The following C20orf203 variants were observed in gnomAD, a reference collection of about 807,000 sequenced individuals.
C20orf203 encodes the protein chromosome 20 open reading frame 203.
Under a neutral mutation model 15.9 loss-of-function variants are expected in C20orf203, and 16 were observed. The ratio of observed to expected loss-of-function variants is 1.01; its 90% CI spans 0.68 to 1.53. The LOEUF (loss-of-function observed/expected upper bound fraction) is 1.53, where lower values mean the gene tolerates loss of function less well. Among genes scored for constraint, C20orf203 ranks in the 40% most tolerant of loss-of-function variants. The pLI is 0.00. For missense variants in C20orf203, 263 were observed against 247.5 expected (o/e 1.06, Z -0.42); for synonymous variants, 98 against 97.2 (o/e 1.01, Z -0.05).
rs559959424 is a variant in C20orf203 at position 32,643,699 on chromosome 20, T to C, written c.*1178-3012A>G. 6.6e-5 allele frequency among the ~76,000 whole-genome samples: 10 copies of C among 150,640 alleles called. No individual in the cohort carries two copies. In the East Asian group the frequency reaches 1.4e-3, roughly 21 times the overall value. On this transcript the variant is annotated intron_variant, in intron 4 of 5. Coordinates refer to ENST00000608990, the MANE Select transcript of C20orf203 (RefSeq NM_182584.4). ...CGAAAGTTTCTGCGAAACCCTGCAG[T>C]GAAGAGCTCTGTGGATGTTTGCGTT...
intron 5 of C20orf203, among the ~76,000 whole-genome samples, chr20:32,636,939 C>A (rs559324049): frequency 4.1e-4 from 63 of 152,306 alleles, no homozygotes; most frequent in Non-Finnish European, 6.5e-4. Context: ...TGTTGACTCT[C>A]ACTGGGTGGG....
chr20:32,651,240 G>A, intron 2 of C20orf203, 74 bp from the exon 3 acceptor site: 1 of 454,012 alleles, frequency 2.2e-6, no homozygotes, highest in Non-Finnish European at 3.9e-6. Flanking sequence ...CTACTCATGG[G>A]GTAGCTACTC....
At chr20:32,670,554 C>T (rs955406709) in intron 1 of C20orf203, among the ~76,000 whole-genome samples, 1 of 151,680 alleles carries the variant, frequency 6.6e-6, no homozygotes, top group Non-Finnish European at 1.5e-5. Context: ...TAAAAATAGG[C>T]CACGCACAGT....
intron 1 of C20orf203, among the ~76,000 whole-genome samples, chr20:32,670,810 C>A (rs1054702163): frequency 6.6e-6 from 1 of 151,308 alleles, no homozygotes; most frequent in East Asian, 1.9e-4. Flanking sequence ...CCAGCCTGGG[C>A]GAGACTCCGT....
At chr20:32,665,825 T>A (rs1172942687) in intron 1 of C20orf203, among the ~76,000 whole-genome samples, 1 of 152,044 alleles carries the variant, frequency 6.6e-6, no homozygotes, top group Non-Finnish European at 1.5e-5. Context: ...TTTTTTTAAT[T>A]AGCCAGAGGC....
chr20:32,648,541 C>T (rs926550091), intron 4 of C20orf203, among the ~76,000 whole-genome samples: 5 of 144,742 alleles, frequency 3.5e-5, no homozygotes, highest in African/African-American at 1.3e-4. Flanking sequence ...CCCAGGTTCA[C>T]GCCATTCTTC....
At chr20:32,656,064 C>G (rs932551752) in intron 1 of C20orf203, among the ~76,000 whole-genome samples, 1 of 152,222 alleles carries the variant, frequency 6.6e-6, no homozygotes. Context: ...CCTTTGCCTT[C>G]TGCCATGATT....
chr20:32,646,654 C>A (rs751507363), intron 4 of C20orf203, among the ~76,000 whole-genome samples: 16 of 152,186 alleles, frequency 1.1e-4, no homozygotes. Flanking sequence ...AGGTCATCTC[C>A]GGGGAGGGAA....
At chr20:32,653,670 T>C (rs1481089380) in intron 1 of C20orf203, among the ~76,000 whole-genome samples, 1 of 152,224 alleles carries the variant, frequency 6.6e-6, no homozygotes, top group East Asian at 1.9e-4. Context: ...ATGTCCACTC[T>C]TACGGCAAAG....
At chr20:32,646,926 C>T (rs528390157) in intron 4 of C20orf203, among the ~76,000 whole-genome samples, 1 of 152,336 alleles carries the variant, frequency 6.6e-6, no homozygotes, top group East Asian at 1.9e-4. Flanking sequence ...CCCTTTTCAA[C>T]TACCCCATGT....
At chr20:32,637,505 T>A (rs1417093921) in intron 5 of C20orf203, among the ~76,000 whole-genome samples, 1 of 152,146 alleles carries the variant, frequency 6.6e-6, no homozygotes, top group Non-Finnish European at 1.5e-5. Context: ...AGATGTCACC[T>A]CCTCCATGAG....
At chr20:32,668,399 G>A (rs1302296178) in intron 1 of C20orf203, among the ~76,000 whole-genome samples, 3 of 152,108 alleles carry the variant, frequency 2.0e-5, no homozygotes, top group African/African-American at 7.2e-5. Context: ...GCCGAGGCGG[G>A]TGGATCATTT....
At chr20:32,659,405 ACT>A (rs1982838563) in intron 1 of C20orf203, among the ~76,000 whole-genome samples, 1 of 152,014 alleles carries the variant, frequency 6.6e-6, no homozygotes, top group Non-Finnish European at 1.5e-5. Context: ...CTCAATGAAC[ACT>A]CTCTACGCAT....
chr20:32,653,374 G>T (rs1982684650), intron 1 of C20orf203, among the ~76,000 whole-genome samples: 1 of 152,142 alleles, frequency 6.6e-6, no homozygotes, highest in East Asian at 1.9e-4. Context: ...TGAGTGTCCA[G>T]GGCTCACTCC....
intron 1 of C20orf203, among the ~76,000 whole-genome samples, chr20:32,667,877 G>C (rs947079768): frequency 6.6e-6 from 1 of 152,104 alleles, no homozygotes; most frequent in Non-Finnish European, 1.5e-5. Flanking sequence ...CACCATGTTA[G>C]CCAGGATGGT....
chr20:32,653,574 G>C (rs1260499049), intron 1 of C20orf203, among the ~76,000 whole-genome samples: 1 of 152,176 alleles, frequency 6.6e-6, no homozygotes, highest in Non-Finnish European at 1.5e-5. Context: ...CTTTCGGGGA[G>C]TTCTAAGAAG....
Position 32,650,382 on chromosome 20 carries a change from C to G in C20orf203, c.*50G>C. The stretch of plus-strand genomic sequence containing the variant: ...GGGGACACCCTGAGGTGGTGGTGGC[C>G]TTGGTAGGACAGGCAGGCAGAGCTG... On this transcript the variant is annotated 3_prime_UTR_variant, in exon 4 of 6. Coordinates refer to ENST00000608990, the MANE Select transcript of C20orf203 (RefSeq NM_182584.4). The G allele has an allele frequency of 7.2e-7, 1 of 1,382,100 alleles. No individual in the cohort carries two copies. Among genetic ancestry groups the G allele is most frequent in the Non-Finnish European group, 9.9e-7 (1 of 1,005,036 alleles). The allele number at this position is 1,382,100 out of a possible 1,614,324, so 85.6% of individuals were successfully genotyped here. A position where few individuals can be genotyped will look rare whatever the true frequency, so the allele number is the denominator to read the frequency against.
intron 1 of C20orf203, among the ~76,000 whole-genome samples, chr20:32,663,138 C>T (rs1430381091): frequency 2.0e-5 from 3 of 151,624 alleles, no homozygotes; most frequent in African/African-American, 4.8e-5. Flanking sequence ...GTAGTAGAGA[C>T]GGGGTTTCAC....
chr20:32,650,934 C>G, intron 3 of C20orf203, 53 bp from the exon 4 acceptor site: 14 of 1,443,538 alleles, frequency 9.7e-6, no homozygotes, highest in Non-Finnish European at 1.3e-5. Flanking sequence ...ACCTGAGACT[C>G]GCAAGGGGCT....
Sources: gnomAD v4.1 joint callset for allele counts (sites outside exome capture counted in the v4.1 genomes callset) on GRCh38, gnomAD v4.1.1 for gene constraint, MANE v1.5 for transcripts, NCBI Gene and HGNC (gene_info 2026-07-23, HGNC 2026-07-21) for gene names.